SNX29: variants seen among roughly 807,000 people sequenced by gnomAD.
SNX29 encodes the protein sorting nexin 29.
SNX29 carries 78 observed loss-of-function variants against 102.1 expected under a neutral mutation model. The ratio of observed to expected loss-of-function variants is 0.76; its 90% CI spans 0.64 to 0.92. The LOEUF (loss-of-function observed/expected upper bound fraction) is 0.92. Among genes scored for constraint, SNX29 ranks in the 40% least tolerant of loss-of-function variants. The probability of loss-of-function intolerance (pLI) is 0.00; values close to 1 mark genes in which losing one functional copy is unlikely to be tolerated. For missense variants in SNX29, 1,280 were observed against 1,061.7 expected (o/e 1.21, Z -2.86); for synonymous variants, 580 against 414.5 (o/e 1.40, Z -4.85).
chr16:12,271,372 G>T (rs2079088247), intron 14 of SNX29, among the ~76,000 whole-genome samples: 1 of 152,172 alleles, frequency 6.6e-6, no homozygotes, highest in African/African-American at 2.4e-5. Flanking sequence ...TCTCTCCGTA[G>T]GAAGCTCGTA....
At chr16:12,029,454 G>T (rs1212213899) in intron 4 of SNX29, among the ~76,000 whole-genome samples, 1 of 152,118 alleles carries the variant, frequency 6.6e-6, no homozygotes, top group African/African-American at 2.4e-5. Flanking sequence ...TGCTGTCTTT[G>T]TAGCCACTGG....
intron 14 of SNX29, among the ~76,000 whole-genome samples, chr16:12,230,125 C>T (rs1056029154): frequency 1.3e-5 from 2 of 152,176 alleles, no homozygotes; most frequent in Non-Finnish European, 2.9e-5. Context: ...AGTTTGTACA[C>T]GTCTGTTCTA....
Position 12,524,740 on chromosome 16 carries a change from G to T in SNX29, c.2217G>T (p.Gln739His). ...KFVEERRKQL[Q>H]NYLRSVMNKV... ...TGGAGGAACGGAGAAAGCAGCTCCA[G>T]AATTACCTGCGCAGCGTCATGAACA... The change falls in exon 20 of 21, where the codon CAG (glutamine) becomes CAT (histidine). Residue 739 changes from glutamine (Q) to histidine (H), a missense_variant. Coordinates refer to ENST00000566228, the MANE Select transcript of SNX29 (RefSeq NM_032167.5). 6.2e-7 allele frequency: 1 copy of T among 1,613,680 alleles called. No homozygotes were observed. Among genetic ancestry groups the T allele is most frequent in the Non-Finnish European group, 8.5e-7 (1 of 1,179,782 alleles).
At chr16:12,284,874 G>A (rs964778479) in intron 15 of SNX29, among the ~76,000 whole-genome samples, 3 of 152,052 alleles carry the variant, frequency 2.0e-5, no homozygotes, top group African/African-American at 7.2e-5. Flanking sequence ...ACAGATGCGT[G>A]CCACCACACC....
chr16:12,163,465 A>C (rs537823556), intron 13 of SNX29, among the ~76,000 whole-genome samples: 1 of 152,290 alleles, frequency 6.6e-6, no homozygotes, highest in South Asian at 2.1e-4. Flanking sequence ...GCCAGACCAG[A>C]GGCCTGCACA....
In SNX29 at chr16:12,122,182, T is replaced by A. The variant is rs1457254557; in HGVS notation, c.1403-4451T>A. On this transcript the variant is annotated intron_variant, in intron 11 of 20. Coordinates refer to ENST00000566228, the MANE Select transcript of SNX29 (RefSeq NM_032167.5). ...CGGCAAGTCACTATTTCAGTGTGTCTCCACAGTCACCGTGGTGGAGTGACT... is the reference window on the plus strand; with the variant it reads ...CGGCAAGTCACTATTTCAGTGTGTCACCACAGTCACCGTGGTGGAGTGACT... Among the ~76,000 whole-genome samples, 3 of 152,202 alleles carry A rather than the reference T, an allele frequency of 2.0e-5. No individual in the cohort carries two copies. In the South Asian group the frequency reaches 6.2e-4, roughly 31 times the overall value.
intron 14 of SNX29, among the ~76,000 whole-genome samples, chr16:12,245,619 C>T (rs994552668): frequency 4.6e-5 from 7 of 152,040 alleles, no homozygotes; most frequent in South Asian, 2.1e-4. Context: ...AACAAAAACC[C>T]GTCGTTGTGA....
intron 18 of SNX29, among the ~76,000 whole-genome samples, chr16:12,472,354 C>T (rs1482880583): frequency 6.6e-6 from 1 of 151,972 alleles, no homozygotes; most frequent in African/African-American, 2.4e-5. Flanking sequence ...AACCCCGTCT[C>T]TACAAAAATA....
intron 11 of SNX29, among the ~76,000 whole-genome samples, chr16:12,091,189 T>G (rs377099916): frequency 1.1e-4 from 16 of 152,232 alleles, no homozygotes; most frequent in African/African-American, 3.9e-4. Flanking sequence ...TGTTCTGTAG[T>G]TGAAGAAACT....
intron 20 of SNX29, among the ~76,000 whole-genome samples, chr16:12,538,816 T>C (rs2077193600): frequency 6.6e-6 from 1 of 151,874 alleles, no homozygotes; most frequent in Non-Finnish European, 1.5e-5. Context: ...CCAGAGTCAG[T>C]GGGAGGGCAC....
chr16:12,543,817 C>T (rs546201009), intron 20 of SNX29, among the ~76,000 whole-genome samples: 14 of 152,360 alleles, frequency 9.2e-5, no homozygotes, highest in African/African-American at 3.4e-4. Context: ...GCCCATGAGA[C>T]AGGGACACCT....
chr16:12,202,722 G>A (rs902181382), intron 14 of SNX29, among the ~76,000 whole-genome samples: 36 of 152,234 alleles, frequency 2.4e-4, no homozygotes, highest in African/African-American at 7.0e-4. Context: ...ACTTACGAGA[G>A]CAGGAGATCC....
At chr16:12,118,211 T>A (rs1417824629) in intron 11 of SNX29, among the ~76,000 whole-genome samples, 1 of 151,550 alleles carries the variant, frequency 6.6e-6, no homozygotes, top group Non-Finnish European at 1.5e-5. Context: ...GGAAGCAACC[T>A]CTGCAACTTT....
At position 12,572,285 on chromosome 16, in the gene SNX29, C is replaced by T. The variant is rs377181818; in HGVS notation, c.*3656C>T. 2.9e-6 allele frequency: 3 copies of T among 1,041,658 alleles called. No individual in the cohort carries two copies. Among genetic ancestry groups the T allele is most frequent in the Non-Finnish European group, 2.3e-6 (2 of 871,758 alleles). 64.5% of individuals were successfully genotyped at this position (1,041,658 alleles called of 1,614,324 possible). On this transcript the variant is annotated 3_prime_UTR_variant, in exon 21 of 21. Transcript: ENST00000566228. ...CTGTAGCTGATGCAACTAACAAGTA[C>T]TGGGGCCAGTGATCACAATCCAGGT... is the stretch of plus-strand genomic sequence containing the variant.
At chr16:11,988,179 A>G (rs2055705056) in intron 1 of SNX29, among the ~76,000 whole-genome samples, 1 of 151,944 alleles carries the variant, frequency 6.6e-6, no homozygotes, top group South Asian at 2.1e-4. Flanking sequence ...CTGTAATCCC[A>G]GCTACTCAGG....
intron 18 of SNX29, among the ~76,000 whole-genome samples, chr16:12,473,916 C>A (rs970895668): frequency 2.6e-5 from 4 of 152,188 alleles, no homozygotes; most frequent in Admixed American, 1.3e-4. Flanking sequence ...TAAAAATGGG[C>A]AACCAGCAGC....
chr16:12,305,904 C>A (rs1181636345), intron 15 of SNX29, among the ~76,000 whole-genome samples: 2 of 152,158 alleles, frequency 1.3e-5, no homozygotes, highest in African/African-American at 4.8e-5. Flanking sequence ...CTGTAATATG[C>A]CAATTCTCCA....
intron 13 of SNX29, among the ~76,000 whole-genome samples, chr16:12,188,355 A>G (rs1412567657): frequency 1.3e-5 from 2 of 152,226 alleles, no homozygotes; most frequent in Non-Finnish European, 2.9e-5. Context: ...AGGTAGAGCA[A>G]GCATTCCCGT....
chr16:12,162,399 G>T (rs1020736622), intron 13 of SNX29, among the ~76,000 whole-genome samples: 17 of 152,192 alleles, frequency 1.1e-4, no homozygotes, highest in Admixed American at 9.2e-4. Flanking sequence ...TGAGGAGTTG[G>T]CAAATATATT....
Sources: gnomAD v4.1 joint callset for allele counts (sites outside exome capture counted in the v4.1 genomes callset) on GRCh38, gnomAD v4.1.1 for gene constraint, MANE v1.5 for transcripts, NCBI Gene and HGNC (gene_info 2026-07-23, HGNC 2026-07-21) for gene names.